The following EYA4 variants were observed in gnomAD, a reference collection of about 807,000 sequenced individuals.
EYA4 encodes the protein EYA transcriptional coactivator and phosphatase 4.
EYA4 carries 31 observed loss-of-function variants against 87.9 expected under a neutral mutation model. The ratio of observed to expected loss-of-function variants is 0.35; its 90% CI spans 0.27 to 0.48. The LOEUF (loss-of-function observed/expected upper bound fraction) is 0.48. Ranked by LOEUF, EYA4 falls within the 20% of genes least tolerant of loss-of-function variation. The pLI, the probability that EYA4 is intolerant of heterozygous loss-of-function variation, is 0.99. For missense variants in EYA4, 678 were observed against 761.4 expected (o/e 0.89, Z 1.29); for synonymous variants, 263 against 270.6 (o/e 0.97, Z 0.28).
chr6:133,429,715 G>A (rs1282341213), intron 3 of EYA4, among the ~76,000 whole-genome samples: 1 of 152,224 alleles, frequency 6.6e-6, no homozygotes, highest in Non-Finnish European at 1.5e-5. Context: ...GGGCTCTGAT[G>A]AAGGGGCTTT....
chr6:133,282,649 A>T (rs1394113286), intron 2 of EYA4, among the ~76,000 whole-genome samples: 1 of 152,148 alleles, frequency 6.6e-6, no homozygotes, highest in Admixed American at 6.5e-5. Flanking sequence ...GTGTGATTCT[A>T]TGTCATTTGC....
At chr6:133,469,856 A>G (rs905024555) in intron 11 of EYA4, among the ~76,000 whole-genome samples, 2 of 151,974 alleles carry the variant, frequency 1.3e-5, no homozygotes, top group Non-Finnish European at 2.9e-5. Flanking sequence ...ATTTCAAAAA[A>G]TTGTAAAGAA....
intron 1 of EYA4, among the ~76,000 whole-genome samples, chr6:133,263,455 A>G (rs1338363399): frequency 6.6e-6 from 1 of 152,104 alleles, no homozygotes; most frequent in Admixed American, 6.5e-5. Flanking sequence ...TTTTTTCCAC[A>G]TGGATATGAA....
At chr6:133,349,162 G>GC (rs1164145022) in intron 2 of EYA4, among the ~76,000 whole-genome samples, 1 of 152,150 alleles carries the variant, frequency 6.6e-6, no homozygotes, top group African/African-American at 2.4e-5. Context: ...CACTCCCTCA[G>GC]CCCCTTCGGG....
rs938191931 is a variant in EYA4, at chr6:133,528,841, T to G, written c.*36T>G. ...TAGCCGGAGATCCATTTTTTATATT[T>G]CAAGTACACTGAATTTTTATGTGTG... On this transcript the variant is annotated 3_prime_UTR_variant, in exon 20 of 20. Transcript: ENST00000355286. 29 of 1,612,152 alleles carry G rather than the reference T, an allele frequency of 1.8e-5. No individual in the cohort carries two copies. The highest frequency in any genetic ancestry group is 2.1e-5 in the Non-Finnish European group (25 of 1,178,576).
At chr6:133,520,818 C>T (rs1335318807) in intron 17 of EYA4, among the ~76,000 whole-genome samples, 1 of 151,880 alleles carries the variant, frequency 6.6e-6, no homozygotes, top group Non-Finnish European at 1.5e-5. Flanking sequence ...CGCCTATCTA[C>T]AACTATCTGA....
At chr6:133,522,547 A>G (rs1225537852) in intron 17 of EYA4, among the ~76,000 whole-genome samples, 1 of 152,184 alleles carries the variant, frequency 6.6e-6, no homozygotes, top group African/African-American at 2.4e-5. Flanking sequence ...CATGAAATGG[A>G]GAAAGCAGTT....
intron 6 of EYA4, 115 bp from the exon 7 acceptor site, chr6:133,460,999 G>C: frequency 1.3e-6 from 1 of 779,580 alleles, no homozygotes; most frequent in Non-Finnish European, 2.3e-6. Flanking sequence ...TTTAGAAAAT[G>C]AATTTCTGGA....
At chr6:133,369,717 C>T (rs1045768386) in intron 2 of EYA4, among the ~76,000 whole-genome samples, 61 of 152,250 alleles carry the variant, frequency 4.0e-4, no homozygotes, top group Non-Finnish European at 5.9e-5. Flanking sequence ...AGTGTTTCTC[C>T]TACAGAAATG....
chr6:133,419,044 G>A (rs1478676852), intron 3 of EYA4, among the ~76,000 whole-genome samples: 1 of 152,044 alleles, frequency 6.6e-6, no homozygotes, highest in African/African-American at 2.4e-5. Flanking sequence ...TTTTATAAGG[G>A]TATAATTATC....
chr6:133,264,484 C>T (rs981259869), intron 1 of EYA4, among the ~76,000 whole-genome samples: 7 of 152,238 alleles, frequency 4.6e-5, no homozygotes, highest in African/African-American at 1.7e-4. Flanking sequence ...GGCTGTTGCT[C>T]CTGCCCAAGC....
intron 3 of EYA4, among the ~76,000 whole-genome samples, chr6:133,423,143 G>A (rs1790366256): frequency 6.6e-6 from 1 of 152,088 alleles, no homozygotes; most frequent in South Asian, 2.1e-4. Flanking sequence ...GTTTGCAGGA[G>A]GATCAGGGAG....
chr6:133,515,258 T>C, intron 16 of EYA4, 63 bp from the exon 17 acceptor site: 3 of 835,268 alleles, frequency 3.6e-6, no homozygotes, highest in Non-Finnish European at 6.4e-6. Context: ...GAAGGGAATC[T>C]AAACTAGATA....
chr6:133,503,663 A>C lies in EYA4; in HGVS notation c.1192-2443A>C, dbSNP rs1798332393. On this transcript the variant is annotated intron_variant, in intron 13 of 19. Transcript: ENST00000355286. Reference sequence around the variant, plus strand: ...TCATGGTTCCATGACTAGGCAGAATAGTTTCATAGAATATCCTCAGCCTAG... The same window carrying C: ...TCATGGTTCCATGACTAGGCAGAATCGTTTCATAGAATATCCTCAGCCTAG... Among the ~76,000 whole-genome samples the C allele has an allele frequency of 2.0e-5, 3 of 152,314 alleles. No individual in the cohort carries two copies. The South Asian group carries it at 6.2e-4, about 32-fold the overall frequency.
intron 2 of EYA4, among the ~76,000 whole-genome samples, chr6:133,290,258 T>C (rs1318652069): frequency 6.6e-6 from 1 of 152,206 alleles, no homozygotes; most frequent in Admixed American, 6.5e-5. Context: ...GCTTGAGAGT[T>C]GGCAATTGTA....
intron 3 of EYA4, among the ~76,000 whole-genome samples, chr6:133,427,456 C>G (rs936729886): frequency 2.6e-5 from 4 of 152,046 alleles, no homozygotes; most frequent in African/African-American, 4.8e-5. Flanking sequence ...ACATTCTACT[C>G]AAAGTAAAAA....
Position 133,515,565 on chromosome 6 carries a change from G to A in EYA4, c.1616+130G>A, listed in dbSNP as rs115414401. 1,441 of 686,540 alleles carry A rather than the reference G, an allele frequency of 2.1e-3. 21 individuals carry two copies. The African/African-American group carries it at 0.023, about 11-fold the overall frequency. The allele number at this position is 686,540 out of a possible 1,614,324, so 42.5% of individuals were successfully genotyped here. On this transcript the variant is annotated intron_variant, in intron 17 of 19. Transcript: ENST00000355286. ...GGGACCTAACAATTCTGAGTTCAGT[G>A]ATTTTTTCAATTTCAGTGCATGTGC... is the stretch of plus-strand genomic sequence containing the variant.
intron 5 of EYA4, among the ~76,000 whole-genome samples, chr6:133,454,121 C>T (rs948966294): frequency 1.3e-5 from 2 of 152,162 alleles, no homozygotes; most frequent in African/African-American, 4.8e-5. Context: ...TCGTTAGACA[C>T]AGCTCACATT....
At chr6:133,295,239 T>G (rs1778859930) in intron 2 of EYA4, among the ~76,000 whole-genome samples, 1 of 152,250 alleles carries the variant, frequency 6.6e-6, no homozygotes, top group East Asian at 1.9e-4. Flanking sequence ...TCTAATTTTA[T>G]GTTCAAGTGC....
Sources: gnomAD v4.1 joint callset for allele counts (sites outside exome capture counted in the v4.1 genomes callset) on GRCh38, gnomAD v4.1.1 for gene constraint, MANE v1.5 for transcripts, NCBI Gene and HGNC (gene_info 2026-07-23, HGNC 2026-07-21) for gene names.